The following LHFPL3 variants were observed in gnomAD, a reference collection of about 807,000 sequenced individuals.
LHFPL3 encodes LHFPL tetraspan subfamily member 3 protein.
A neutral mutation model predicts 19.3 loss-of-function variants in LHFPL3; 5 were observed. The ratio of observed to expected loss-of-function variants is 0.26; its 90% CI spans 0.14 to 0.54. The LOEUF (loss-of-function observed/expected upper bound fraction) is 0.54, where lower values mean the gene tolerates loss of function less well. Among genes scored for constraint, LHFPL3 ranks in the 20% least tolerant of loss-of-function variants. The pLI is 0.94. For synonymous variants in LHFPL3, 133 were observed against 126.2 expected (o/e 1.05, Z -0.36); for missense variants, 249 against 307.4 (o/e 0.81, Z 1.42).
intron 1 of LHFPL3, among the ~76,000 whole-genome samples, chr7:104,568,846 T>G (rs184732131): frequency 1.3e-5 from 2 of 152,318 alleles, no homozygotes; most frequent in East Asian, 3.9e-4. Context: ...CTCAGTTAGT[T>G]CTTCAGGTTG....
intron 1 of LHFPL3, among the ~76,000 whole-genome samples, chr7:104,427,869 G>A (rs77230750): frequency 0.085 from 12,946 of 152,218 alleles, 596 homozygotes; most frequent in Non-Finnish European, 0.098. Context: ...AAAACACCTC[G>A]TGCATCAGTT....
intron 2 of LHFPL3, chr7:104,894,965 C>A (rs1792325141): frequency 6.6e-6 from 1 of 152,144 alleles, no homozygotes; most frequent in Non-Finnish European, 1.5e-5. Flanking sequence ...CACCTGGGAT[C>A]TCAATACTGA....
Position 104,399,708 on chromosome 7 carries a change from G to A in LHFPL3, c.445+70484G>A, listed in dbSNP as rs186885661. 5.6e-4 allele frequency among the ~76,000 whole-genome samples: 83 copies of A among 146,990 alleles called. No individual in the cohort carries two copies. The Middle Eastern group carries it at 0.017, about 31-fold the overall frequency. Reference sequence around the variant, plus strand: ...AGGCTGGTCTTGAACTCCCAACCTCGTGCTCCGCCCACCTCGGCCTCCCAA... The same window carrying A: ...AGGCTGGTCTTGAACTCCCAACCTCATGCTCCGCCCACCTCGGCCTCCCAA... On this transcript the variant is annotated intron_variant, in intron 1 of 2. Coordinates refer to ENST00000424859, the MANE Select transcript of LHFPL3 (RefSeq NM_199000.3). The surrounding 1 kb of genome is among the most constrained non-coding windows in gnomAD (Gnocchi z 4.4).
chr7:104,698,505 G>A lies in LHFPL3; in HGVS notation c.446-38170G>A, dbSNP rs145849699. ...AATTAAAAACTCTTGTGCATCAAAC[G>A]GCACTGTCAACAAAGTAAAATGTCT... On this transcript the variant is annotated intron_variant, in intron 1 of 2. Transcript: ENST00000424859. Among the ~76,000 whole-genome samples the A allele has an allele frequency of 2.3e-3, 356 of 152,212 alleles. 3 individuals are homozygous for A. The highest frequency in any genetic ancestry group is 8.0e-3 in the African/African-American group (331 of 41,500).
At chr7:104,523,978 A>G (rs1407271212) in intron 1 of LHFPL3, among the ~76,000 whole-genome samples, 1 of 152,208 alleles carries the variant, frequency 6.6e-6, no homozygotes, top group African/African-American at 2.4e-5. Context: ...GATGCCGTCA[A>G]TTAATCTGTA....
chr7:104,684,674 TA>T (rs1792772825), intron 1 of LHFPL3, among the ~76,000 whole-genome samples: 1 of 152,178 alleles, frequency 6.6e-6, no homozygotes, highest in African/African-American at 2.4e-5. Flanking sequence ...TGTGCTCTGG[TA>T]AAACCCACCT....
chr7:104,571,115 C>T (rs1016235764), intron 1 of LHFPL3, among the ~76,000 whole-genome samples: 13 of 152,126 alleles, frequency 8.5e-5, no homozygotes, highest in Non-Finnish European at 1.5e-4. Flanking sequence ...TTAAATTCAC[C>T]TTGCCTAGGT....
At chr7:104,888,377 T>G (rs1792189261) in intron 2 of LHFPL3, among the ~76,000 whole-genome samples, 1 of 151,870 alleles carries the variant, frequency 6.6e-6, no homozygotes, top group Non-Finnish European at 1.5e-5. Context: ...CAAAAAAAAT[T>G]TAAATTGCCA....
chr7:104,551,163 A>T (rs866624038), intron 1 of LHFPL3, among the ~76,000 whole-genome samples: 2 of 152,112 alleles, frequency 1.3e-5, no homozygotes, highest in South Asian at 4.1e-4. Flanking sequence ...AGCATTTTAT[A>T]AAAAAACAAC....
At position 104,676,785 on chromosome 7, in the gene LHFPL3, C is replaced by G. The variant is rs143551392; in HGVS notation, c.446-59890C>G. On this transcript the variant is annotated intron_variant, in intron 1 of 2. Coordinates refer to ENST00000424859, the MANE Select transcript of LHFPL3 (RefSeq NM_199000.3). ...GCTGGTAAGTTTGTAAAGTGGTACA[C>G]ATTTTCTGGAGGACAGTGTGTCCTA... Among the ~76,000 whole-genome samples, 549 of 152,308 alleles carry G rather than the reference C, an allele frequency of 3.6e-3. 1 individual carries two copies. Among genetic ancestry groups the G allele is most frequent in the Non-Finnish European group, 6.3e-3 (430 of 68,028 alleles).
intron 1 of LHFPL3, among the ~76,000 whole-genome samples, chr7:104,493,729 T>C (rs1434379535): frequency 6.6e-6 from 1 of 152,074 alleles, no homozygotes; most frequent in Admixed American, 6.6e-5. Context: ...TGCTTTGTTC[T>C]CACAAACACT....
At chr7:104,368,373 C>A (rs10953426) in intron 1 of LHFPL3, among the ~76,000 whole-genome samples, 128 of 152,088 alleles carry the variant, frequency 8.4e-4, no homozygotes, top group African/African-American at 3.0e-3. Flanking sequence ...GGGACCTGAA[C>A]GGTTCAGTTT....
intron 2 of LHFPL3, among the ~76,000 whole-genome samples, chr7:104,878,289 A>C (rs1329545482): frequency 2.0e-5 from 3 of 152,038 alleles, no homozygotes; most frequent in Non-Finnish European, 4.4e-5. Flanking sequence ...AACAAATTGA[A>C]GGTTTGTGGC....
At chr7:104,817,167 G>A (rs144002565) in intron 2 of LHFPL3, among the ~76,000 whole-genome samples, 8 of 152,240 alleles carry the variant, frequency 5.3e-5, no homozygotes, top group Middle Eastern at 3.4e-3. Flanking sequence ...TGCTCAGCGC[G>A]GGCTACGTTG....
chr7:104,851,209 A>G (rs1311074788), intron 2 of LHFPL3, among the ~76,000 whole-genome samples: 1 of 152,258 alleles, frequency 6.6e-6, no homozygotes, highest in African/African-American at 2.4e-5. Flanking sequence ...TATCTGCATC[A>G]TAACTCAAAA....
chr7:104,752,707 A>G, intron 2 of LHFPL3: 1 of 392,538 alleles, frequency 2.5e-6, no homozygotes, highest in Non-Finnish European at 4.5e-6. Flanking sequence ...CCGAGCGCAC[A>G]AGCTTACCGT....
chr7:104,479,037 T>G (rs1793078461), intron 1 of LHFPL3, among the ~76,000 whole-genome samples: 1 of 152,186 alleles, frequency 6.6e-6, no homozygotes, highest in Non-Finnish European at 1.5e-5. Context: ...ATACCCAACT[T>G]GACTGGAGTC....
intron 1 of LHFPL3, among the ~76,000 whole-genome samples, chr7:104,585,121 A>G (rs1790540142): frequency 6.6e-6 from 1 of 151,742 alleles, no homozygotes; most frequent in African/African-American, 2.4e-5. Flanking sequence ...AGCACTCTTG[A>G]GTAATCTTCT....
intron 1 of LHFPL3, among the ~76,000 whole-genome samples, chr7:104,718,653 A>C (rs148606640): frequency 6.6e-6 from 1 of 152,210 alleles, no homozygotes; most frequent in African/African-American, 2.4e-5. Context: ...TGCAAAAGTA[A>C]TCGCAATTTT....
Sources: allele counts gnomAD v4.1 joint callset (sites outside exome capture counted in the v4.1 genomes callset), GRCh38; gene constraint gnomAD v4.1.1; non-coding constraint Gnocchi (gnomAD v3.1); transcripts MANE v1.5; gene names NCBI Gene and HGNC (gene_info 2026-07-23, HGNC 2026-07-21).